WLS: variants seen among roughly 807,000 people sequenced by gnomAD.
WLS encodes the protein protein wntless homolog.
Under a neutral mutation model 62.8 loss-of-function variants are expected in WLS, and 23 were observed. The ratio of observed to expected loss-of-function variants is 0.37; its 90% CI spans 0.26 to 0.52. The LOEUF (loss-of-function observed/expected upper bound fraction) is 0.52. Ranked by LOEUF, WLS falls within the 20% of genes least tolerant of loss-of-function variation. WLS has a pLI of 0.92. For synonymous variants in WLS, 246 were observed against 244.1 expected, an observed-to-expected ratio of 1.01 and a Z score of -0.07; for missense variants, 615 against 697.3, an observed-to-expected ratio of 0.88 and a Z score of 1.33.
In WLS at chr1:68,153,585, G is replaced by T; in HGVS notation, c.735C>A (p.Ile245=). Residue 245 remains isoleucine, a synonymous_variant, in exon 5 of 12, where the codon ATC becomes ATA. Transcript: ENST00000262348. The stretch of plus-strand genomic sequence containing the variant: ...TCCAATACCACACCATAATGATGAA[G>T]ATGCTGGGCGTAAGGAAGGTCTTCA... ...FAMKTFLTPS[I]FIIMVWYWRR... 3 of 1,614,240 alleles carry T rather than the reference G, an allele frequency of 1.9e-6. No homozygotes were observed. Among genetic ancestry groups the T allele is most frequent in the Non-Finnish European group, 2.5e-6 (3 of 1,180,040 alleles).
At chr1:68,211,897 G>A (rs560968939) in intron 1 of WLS, among the ~76,000 whole-genome samples, 1 of 152,228 alleles carries the variant, frequency 6.6e-6, no homozygotes, top group East Asian at 1.9e-4. Flanking sequence ...CTGCATCTGG[G>A]AAATTTTTAA....
intron 3 of WLS, among the ~76,000 whole-genome samples, chr1:68,156,230 G>C (rs1646896998): frequency 6.6e-6 from 1 of 152,140 alleles, no homozygotes; most frequent in South Asian, 2.1e-4. Context: ...TCAATGTTGG[G>C]TTTCTATGTC....
intron 2 of WLS, chr1:68,161,801 G>A: frequency 6.2e-7 from 1 of 1,602,478 alleles, no homozygotes; most frequent in Middle Eastern, 2.2e-4. Context: ...TTTGTGGGCT[G>A]GTTGGGAGAG....
intron 2 of WLS, among the ~76,000 whole-genome samples, chr1:68,178,692 C>A (rs1371816921): frequency 2.2e-5 from 3 of 138,340 alleles, no homozygotes; most frequent in Admixed American, 7.3e-5. Context: ...AGCAACAGAT[C>A]GAGACTACAT....
At chr1:68,103,721 G>A (rs745970521) in intron 11 of WLS, among the ~76,000 whole-genome samples, 2 of 152,176 alleles carry the variant, frequency 1.3e-5, no homozygotes, top group Non-Finnish European at 2.9e-5. Context: ...GGAGCACAGA[G>A]TCGGGTTTGG....
At chr1:68,103,935 A>G (rs180799199) in intron 11 of WLS, among the ~76,000 whole-genome samples, 45 of 152,052 alleles carry the variant, frequency 3.0e-4, no homozygotes, top group Non-Finnish European at 5.6e-4. Context: ...GCAGGGGACA[A>G]TTTTCCTCCT....
chr1:68,104,532 T>C (rs966433919), intron 11 of WLS, among the ~76,000 whole-genome samples: 32 of 152,166 alleles, frequency 2.1e-4, no homozygotes, highest in African/African-American at 7.7e-4. Flanking sequence ...CCAGCTCTAT[T>C]GGGACTATGG....
chr1:68,100,979 C>T (rs1288108731), intron 11 of WLS, among the ~76,000 whole-genome samples: 1 of 152,168 alleles, frequency 6.6e-6, no homozygotes, highest in Non-Finnish European at 1.5e-5. Flanking sequence ...CCCCTGTAAC[C>T]TGCTGAATAT....
chr1:68,205,258 C>T lies in WLS; in HGVS notation c.107-11031G>A, dbSNP rs1649234137. 2.0e-5 allele frequency among the ~76,000 whole-genome samples: 3 copies of T among 152,254 alleles called. No individual in the cohort carries two copies. In the South Asian group the frequency reaches 6.2e-4, roughly 32 times the overall value. On this transcript the variant is annotated intron_variant, in intron 1 of 11. Coordinates refer to ENST00000262348, the MANE Select transcript of WLS (RefSeq NM_024911.7). Reference sequence around the variant, plus strand: ...AATACTTATGACGGTTCTTCCAGATCCGTGTCAAGCAATATATTAAATGAA... The same window carrying T: ...AATACTTATGACGGTTCTTCCAGATTCGTGTCAAGCAATATATTAAATGAA...
At chr1:68,138,040 TG>T in intron 10 of WLS, 107 bp from the exon 11 acceptor site, 1 of 1,370,240 alleles carries the variant, frequency 7.3e-7, no homozygotes, top group Non-Finnish European at 1.0e-6. Flanking sequence ...CTTCTACATG[TG>T]GGAAACATGA....
downstream of WLS, among the ~76,000 whole-genome samples, chr1:68,120,498 T>G (rs1314610377): frequency 6.6e-6 from 1 of 152,230 alleles, no homozygotes; most frequent in African/African-American, 2.4e-5. Context: ...GGAAAGACAC[T>G]GAAGTTCACA....
At chr1:68,172,135 G>T (rs893811684) in intron 2 of WLS, among the ~76,000 whole-genome samples, 1 of 151,602 alleles carries the variant, frequency 6.6e-6, no homozygotes, top group African/African-American at 2.4e-5. Context: ...GACACAGGGA[G>T]GGGAACATCA....
At chr1:68,211,021 G>C (rs1649494916) in intron 1 of WLS, among the ~76,000 whole-genome samples, 1 of 152,136 alleles carries the variant, frequency 6.6e-6, no homozygotes, top group East Asian at 1.9e-4. Context: ...TTGGCCTAAA[G>C]ACTGCATTTA....
intron 11 of WLS, among the ~76,000 whole-genome samples, chr1:68,106,155 A>G (rs539431939): frequency 7.2e-5 from 11 of 152,328 alleles, no homozygotes; most frequent in African/African-American, 2.6e-4. Context: ...AATGCTCTAT[A>G]TTTAAGATGT....
intron 1 of WLS, among the ~76,000 whole-genome samples, chr1:68,213,805 ATG>A (rs1399224915): frequency 2.0e-5 from 3 of 152,152 alleles, no homozygotes; most frequent in African/African-American, 7.2e-5. Context: ...GGCAAAATCC[ATG>A]TGTTTACTCC....
chr1:68,103,448 G>A (rs148645742), intron 11 of WLS, among the ~76,000 whole-genome samples: 3 of 152,160 alleles, frequency 2.0e-5, no homozygotes, highest in Non-Finnish European at 4.4e-5. Flanking sequence ...GGAGCACTGC[G>A]GTGCCCTTCT....
downstream of WLS, among the ~76,000 whole-genome samples, chr1:68,121,420 T>C (rs1055723082): frequency 1.3e-5 from 2 of 152,176 alleles, no homozygotes; most frequent in African/African-American, 4.8e-5. Flanking sequence ...TGAAGGGCAT[T>C]GTTCCCTGAG....
chr1:68,215,004 C>T (rs1649669299), intron 1 of WLS, among the ~76,000 whole-genome samples: 1 of 152,154 alleles, frequency 6.6e-6, no homozygotes, highest in Non-Finnish European at 1.5e-5. Flanking sequence ...TCTCAGAATT[C>T]ACTCTAATTA....
intron 2 of WLS, chr1:68,161,742 CG>C (rs1646977242): frequency 7.7e-6 from 12 of 1,565,718 alleles, no homozygotes; most frequent in Non-Finnish European, 1.1e-5. Flanking sequence ...GATTACCTTC[CG>C]GCATTCTCTG....
Sources: gnomAD v4.1 joint callset for allele counts (sites outside exome capture counted in the v4.1 genomes callset) on GRCh38, gnomAD v4.1.1 for gene constraint, MANE v1.5 for transcripts, NCBI Gene and HGNC (gene_info 2026-07-23, HGNC 2026-07-21) for gene names.